Variants in NXPE2 observed in about 807,000 individuals in gnomAD.
NXPE2 encodes the protein neurexophilin and PC-esterase domain family member 2.
Under a neutral mutation model 34.4 loss-of-function variants are expected in NXPE2, and 34 were observed. The observed-to-expected ratio is 0.99, with a 90% CI of 0.75 to 1.31. The LOEUF is 1.31. Ranked by LOEUF, NXPE2 falls within the 40% of genes most tolerant of loss-of-function variation. The probability of loss-of-function intolerance (pLI) is 0.00; values close to 1 mark genes in which losing one functional copy is unlikely to be tolerated. For missense variants in NXPE2, 649 were observed against 672.5 expected (o/e 0.97, Z 0.39); for synonymous variants, 235 against 231.3 (o/e 1.02, Z -0.15).
the NXPE2 span, among the ~76,000 whole-genome samples, chr11:114,741,202 TG>T: frequency 6.7e-6 from 1 of 149,162 alleles, no homozygotes; most frequent in Non-Finnish European, 1.5e-5. Flanking sequence ...GATATGGTTA[TG>T]GGGAATTCCC....
the NXPE2 span, among the ~76,000 whole-genome samples, chr11:114,668,184 A>T: frequency 6.6e-6 from 1 of 151,998 alleles, no homozygotes. Context: ...CTGTTTTGTG[A>T]TTCTGTGGCT....
the NXPE2 span, among the ~76,000 whole-genome samples, chr11:114,781,182 C>G: frequency 1.1e-4 from 16 of 152,148 alleles, no homozygotes; most frequent in Non-Finnish European, 7.3e-5. Flanking sequence ...TAATGTGGGG[C>G]TTGGGAGAAA....
the NXPE2 span, among the ~76,000 whole-genome samples, chr11:114,468,131 TA>T: frequency 0.014 from 1,935 of 135,678 alleles, 20 homozygotes; most frequent in African/African-American, 0.035. Flanking sequence ...GCTGATGAGC[TA>T]AAAAAAAAAA....
chr11:114,786,539 G>A, the NXPE2 span, among the ~76,000 whole-genome samples: 2 of 152,194 alleles, frequency 1.3e-5, no homozygotes, highest in African/African-American at 4.8e-5. Flanking sequence ...GTGTCAGGCT[G>A]AGGAGTACAG....
upstream of NXPE2, among the ~76,000 whole-genome samples, chr11:114,677,640 A>AC (rs1181136878): frequency 6.6e-6 from 1 of 152,054 alleles, no homozygotes; most frequent in Non-Finnish European, 1.5e-5. Flanking sequence ...TGTTATATAG[A>AC]CATGGAGGGA....
At chr11:114,794,875 A>T in the NXPE2 span, among the ~76,000 whole-genome samples, 1 of 128,520 alleles carries the variant, frequency 7.8e-6, no homozygotes, top group Non-Finnish European at 1.6e-5. Context: ...CATCCTGAGG[A>T]GTAACTCATT....
chr11:114,522,750 G>T, the NXPE2 span: 459 of 698,150 alleles, frequency 6.6e-4, no homozygotes, highest in African/African-American at 4.3e-3. Context: ...CATTTTAAAT[G>T]TAAAGGTTCA....
chr11:114,655,022 G>A, the NXPE2 span, among the ~76,000 whole-genome samples: 1 of 152,272 alleles, frequency 6.6e-6, no homozygotes, highest in South Asian at 2.1e-4. Context: ...TCTGACTGGT[G>A]TGAGATAGTA....
At chr11:114,510,883 GAGAA>G in the NXPE2 span, among the ~76,000 whole-genome samples, 1 of 152,118 alleles carries the variant, frequency 6.6e-6, no homozygotes, top group African/African-American at 2.4e-5. Flanking sequence ...TTTTTGGGCA[GAGAA>G]AGGAAGGTGT....
chr11:114,572,114 C>T, the NXPE2 span, among the ~76,000 whole-genome samples: 1 of 152,082 alleles, frequency 6.6e-6, no homozygotes, highest in Non-Finnish European at 1.5e-5. Context: ...AGCCCAGAGC[C>T]CAGTAGCTCC....
chr11:114,678,649 A>T, intron 1 of NXPE2, 48 bp downstream of exon 1: 1 of 1,434,878 alleles, frequency 7.0e-7, no homozygotes, highest in Non-Finnish European at 9.6e-7. Context: ...CAGGGAAGGG[A>T]GGGGAGAACT....
At chr11:114,544,936 A>G in the NXPE2 span, among the ~76,000 whole-genome samples, 4 of 152,216 alleles carry the variant, frequency 2.6e-5, no homozygotes, top group Admixed American at 2.6e-4. Flanking sequence ...AAGAAGAGAC[A>G]CGCATTACAA....
chr11:114,655,662 C>G, the NXPE2 span, among the ~76,000 whole-genome samples: 3 of 152,306 alleles, frequency 2.0e-5, no homozygotes, highest in African/African-American at 7.2e-5. Context: ...TCTGAGGCCT[C>G]TGTTCTGCTC....
At chr11:114,803,865 A>G in the NXPE2 span, among the ~76,000 whole-genome samples, 1 of 152,134 alleles carries the variant, frequency 6.6e-6, no homozygotes, top group African/African-American at 2.4e-5. Context: ...GGCATGAGCC[A>G]CCATGCCCGC....
chr11:114,668,036 C>A, the NXPE2 span, among the ~76,000 whole-genome samples: 1 of 151,776 alleles, frequency 6.6e-6, no homozygotes, highest in Non-Finnish European at 1.5e-5. Context: ...CAGGTACACA[C>A]AGAAGGAACC....
the NXPE2 span, among the ~76,000 whole-genome samples, chr11:114,493,253 TG>T: frequency 6.6e-6 from 1 of 152,226 alleles, no homozygotes; most frequent in Non-Finnish European, 1.5e-5. Context: ...TTTGTCTTTT[TG>T]TTTTTATCCT....
the NXPE2 span, among the ~76,000 whole-genome samples, chr11:114,789,745 T>C: frequency 6.6e-6 from 1 of 152,128 alleles, no homozygotes; most frequent in African/African-American, 2.4e-5. Flanking sequence ...AAGCCAGGCA[T>C]CCCTCTCCTT....
the NXPE2 span, among the ~76,000 whole-genome samples, chr11:114,757,781 A>G: frequency 5.3e-5 from 8 of 152,176 alleles, no homozygotes; most frequent in African/African-American, 1.9e-4. Flanking sequence ...TTCTTAGACT[A>G]GAACTCTATG....
chr11:114,761,810 A>G, the NXPE2 span, among the ~76,000 whole-genome samples: 1 of 151,244 alleles, frequency 6.6e-6, no homozygotes, highest in Non-Finnish European at 1.5e-5. Flanking sequence ...TCCTGACCTC[A>G]TGATCCACCC....
Sources: allele counts gnomAD v4.1 joint callset (sites outside exome capture counted in the v4.1 genomes callset), GRCh38; gene constraint gnomAD v4.1.1; transcripts MANE v1.5; gene names NCBI Gene and HGNC (gene_info 2026-07-23, HGNC 2026-07-21).